Variants in ZBTB7C observed in about 807,000 individuals in gnomAD.
ZBTB7C encodes the protein zinc finger and BTB domain-containing protein 7C.
Under a neutral mutation model 25.7 loss-of-function variants are expected in ZBTB7C, and 8 were observed. The ratio of observed to expected loss-of-function variants is 0.31; its 90% CI spans 0.18 to 0.56. The LOEUF (loss-of-function observed/expected upper bound fraction) is 0.56, where lower values mean the gene tolerates loss of function less well. Ranked by LOEUF, ZBTB7C falls within the 20% of genes least tolerant of loss-of-function variation. The pLI, the probability that ZBTB7C is intolerant of heterozygous loss-of-function variation, is 0.91. For missense variants in ZBTB7C, 824 were observed against 855.2 expected (o/e 0.96, Z 0.46); for synonymous variants, 394 against 369.0 (o/e 1.07, Z -0.78).
At chr18:48,304,061 A>AGT (rs2045608153) in intron 2 of ZBTB7C, among the ~76,000 whole-genome samples, 1 of 152,130 alleles carries the variant, frequency 6.6e-6, no homozygotes, top group African/African-American at 2.4e-5. Context: ...TCCCCTGGCA[A>AGT]GTGGGTGACA....
chr18:48,280,645 CAT>C (rs909594617), intron 2 of ZBTB7C, among the ~76,000 whole-genome samples: 1 of 152,070 alleles, frequency 6.6e-6, no homozygotes, highest in African/African-American at 2.4e-5. Context: ...CATCTCTAGA[CAT>C]AAATCCTAGA....
chr18:48,080,911 T>G (rs906218863), intron 3 of ZBTB7C, among the ~76,000 whole-genome samples: 3 of 152,234 alleles, frequency 2.0e-5, no homozygotes, highest in Non-Finnish European at 2.9e-5. Flanking sequence ...ACGTGCTTCC[T>G]GCTTCTTTTC....
At chr18:48,036,635 C>A (rs543119017) in intron 4 of ZBTB7C, among the ~76,000 whole-genome samples, 28 of 152,246 alleles carry the variant, frequency 1.8e-4, no homozygotes, top group Non-Finnish European at 3.8e-4. Context: ...CTGAGGGCAG[C>A]ATGTCTGGGT....
At chr18:48,215,448 T>A (rs1388742238) in intron 2 of ZBTB7C, among the ~76,000 whole-genome samples, 1 of 152,214 alleles carries the variant, frequency 6.6e-6, no homozygotes, top group Non-Finnish European at 1.5e-5. Context: ...AATCAATATA[T>A]GAGAGGTATA....
At chr18:48,232,702 A>C (rs1443826389) in intron 2 of ZBTB7C, among the ~76,000 whole-genome samples, 1 of 152,226 alleles carries the variant, frequency 6.6e-6, no homozygotes, top group Non-Finnish European at 1.5e-5. Context: ...AACTGGAACT[A>C]AAATTTAGGT....
At chr18:48,293,841 T>C (rs1471613868) in intron 2 of ZBTB7C, among the ~76,000 whole-genome samples, 4 of 148,094 alleles carry the variant, frequency 2.7e-5, no homozygotes, top group African/African-American at 1.0e-4. Flanking sequence ...TGGTCTCAAA[T>C]TCCTGGCCTC....
chr18:48,291,233 C>T (rs2045219961), intron 2 of ZBTB7C, among the ~76,000 whole-genome samples: 1 of 152,200 alleles, frequency 6.6e-6, no homozygotes. Context: ...CAATGGGCTT[C>T]CCATCCCAGG....
Position 48,026,797 on chromosome 18 carries a change from C to T in ZBTB7C, c.*2463G>A, listed in dbSNP as rs1357628357. The stretch of plus-strand genomic sequence containing the variant: ...ATTATTTTAAGTTTATGACACCCAA[C>T]AATTAAAAACCTTAAGACTGGCTTG... On this transcript the variant is annotated 3_prime_UTR_variant, in exon 5 of 5. Coordinates refer to ENST00000590800, the MANE Select transcript of ZBTB7C (RefSeq NM_001318841.2). 1.3e-5 allele frequency: 2 copies of T among 150,164 alleles called. No homozygotes were observed. The highest frequency in any genetic ancestry group is 1.3e-4 in the Admixed American group (2 of 15,044). 9.3% of individuals were successfully genotyped at this position (150,164 alleles called of 1,614,324 possible).
intron 3 of ZBTB7C, among the ~76,000 whole-genome samples, chr18:48,172,458 G>A (rs950641142): frequency 6.6e-6 from 1 of 152,206 alleles, no homozygotes. Flanking sequence ...GCTGGGAGCG[G>A]AGTCTGTGTG....
chr18:48,321,137 AT>A (rs1167012786), intron 2 of ZBTB7C, among the ~76,000 whole-genome samples: 1 of 152,202 alleles, frequency 6.6e-6, no homozygotes, highest in Admixed American at 6.5e-5. Context: ...CGGCACTGGA[AT>A]TTTCTCAAAG....
chr18:48,192,729 C>T (rs968056663), intron 2 of ZBTB7C, among the ~76,000 whole-genome samples: 9 of 152,146 alleles, frequency 5.9e-5, no homozygotes, highest in South Asian at 2.1e-4. Context: ...CCCAAAGTGC[C>T]GGGATTATAG....
intron 1 of ZBTB7C, among the ~76,000 whole-genome samples, chr18:48,383,833 C>A (rs55978835): frequency 0.18 from 27,551 of 151,498 alleles, 2,721 homozygotes; most frequent in Non-Finnish European, 0.22. Context: ...TCCCTCAGCA[C>A]ACGGCAGAGT....
At chr18:48,398,273 G>A (rs1008993365) in intron 1 of ZBTB7C, among the ~76,000 whole-genome samples, 18 of 152,322 alleles carry the variant, frequency 1.2e-4, no homozygotes, top group South Asian at 4.1e-4. Flanking sequence ...AGGGCTGCTC[G>A]GCCACTGCTG....
Position 48,267,820 on chromosome 18 carries a change from G to A in ZBTB7C, c.-79+70354C>T, listed in dbSNP as rs573703866. ...AATAAACAGCTGGTTGTAAGCCAGC[G>A]TGCAGCCCCTCACCAGACACCAAAT... On this transcript the variant is annotated intron_variant, in intron 2 of 4. Transcript: ENST00000590800. Among the ~76,000 whole-genome samples, 14 of 152,268 alleles carry A rather than the reference G, an allele frequency of 9.2e-5. No homozygotes were observed. The South Asian group carries it at 1.0e-3, about 11-fold the overall frequency.
chr18:48,158,766 A>G (rs1319713414), intron 3 of ZBTB7C, among the ~76,000 whole-genome samples: 1 of 152,240 alleles, frequency 6.6e-6, no homozygotes, highest in Non-Finnish European at 1.5e-5. Flanking sequence ...GAGGATGGCA[A>G]GTGAAGCGTG....
intron 3 of ZBTB7C, among the ~76,000 whole-genome samples, chr18:48,162,891 T>C (rs138389376): frequency 6.6e-6 from 1 of 152,246 alleles, no homozygotes; most frequent in Non-Finnish European, 1.5e-5. Context: ...GTAAGACCTA[T>C]GGGAGAAAAA....
chr18:48,289,669 G>A (rs2045163678), intron 2 of ZBTB7C, among the ~76,000 whole-genome samples: 1 of 151,916 alleles, frequency 6.6e-6, no homozygotes, highest in Non-Finnish European at 1.5e-5. Flanking sequence ...TACAACAGGG[G>A]TCAAAAGATA....
intron 3 of ZBTB7C, among the ~76,000 whole-genome samples, chr18:48,151,467 T>C (rs1268333524): frequency 1.3e-5 from 2 of 151,772 alleles, no homozygotes; most frequent in African/African-American, 2.4e-5. Flanking sequence ...GGCTGACACC[T>C]GCACTGTTCA....
intron 1 of ZBTB7C, among the ~76,000 whole-genome samples, chr18:48,356,461 T>C (rs943422528): frequency 6.6e-6 from 1 of 152,122 alleles, no homozygotes; most frequent in Non-Finnish European, 1.5e-5. Context: ...ACCAAGCAAT[T>C]CACCCCAACT....
Sources: gnomAD v4.1 joint callset for allele counts (sites outside exome capture counted in the v4.1 genomes callset) on GRCh38, gnomAD v4.1.1 for gene constraint, MANE v1.5 for transcripts, NCBI Gene and HGNC (gene_info 2026-07-23, HGNC 2026-07-21) for gene names.